The following NELFE variants were observed in gnomAD, a reference collection of about 807,000 sequenced individuals.
NELFE encodes the protein negative elongation factor complex member E.
Under a neutral mutation model 55.5 loss-of-function variants are expected in NELFE, and 26 were observed. The ratio of observed to expected loss-of-function variants is 0.47; its 90% CI spans 0.34 to 0.65. The LOEUF is 0.65. NELFE is among the 30% of genes least tolerant of loss of function. The pLI is 0.01. For missense variants in NELFE, 403 were observed against 506.9 expected, an observed-to-expected ratio of 0.80 and a Z score of 1.97; for synonymous variants, 162 against 178.0, an observed-to-expected ratio of 0.91 and a Z score of 0.72.
chr6:31,954,806 C>G lies in NELFE; in HGVS notation c.491G>C (p.Arg164Pro). 6.2e-7 allele frequency: 1 copy of G among 1,604,558 alleles called. No individual in the cohort carries two copies. The part of the protein sequence containing the change: ...EGPGAGDGPP[R>P]SFDWGYEERS... ...TTCTTCATAGCCCCAGTCAAAGCTT[C>G]GAGGGGGACCATCACCAGCCCCTGG... Residue 164 changes from arginine (R) to proline (P), a missense_variant, in exon 7 of 11, where the codon CGA becomes CCA. Arg to Pro is a moderately radical substitution (Grantham distance 103). Around this residue, in one of 3 missense-constraint regions of NELFE, gnomAD observed 229 missense variants for 228.3 expected, o/e 1.00. Transcript: ENST00000375429. The surrounding 1 kb of genome is among the most constrained non-coding windows in gnomAD (Gnocchi z 5.5).
intron 2 of NELFE, among the ~76,000 whole-genome samples, chr6:31,957,777 A>G (rs991554987): frequency 5.3e-5 from 8 of 152,226 alleles, no homozygotes; most frequent in Non-Finnish European, 1.0e-4. Context: ...TGTGTTTTCA[A>G]TGGATCATTT....
chr6:31,958,263 C>G, intron 2 of NELFE, 109 bp downstream of exon 2: 1 of 968,568 alleles, frequency 1.0e-6, no homozygotes, highest in Non-Finnish European at 1.7e-6. Context: ...GGTGATATGT[C>G]TCTAGGTATG....
chr6:31,952,711 G>A (rs1205501457), intron 10 of NELFE, among the ~76,000 whole-genome samples: 1 of 152,242 alleles, frequency 6.6e-6, no homozygotes, highest in African/African-American at 2.4e-5. Context: ...GAAAACCTCT[G>A]TAGCCCTTTT....
Position 31,953,776 on chromosome 6 carries a change from T to C in NELFE, c.998A>G (p.Gln333Arg). 1 of 1,613,098 alleles carries C rather than the reference T, an allele frequency of 6.2e-7. No homozygotes were observed. Among genetic ancestry groups the C allele is most frequent in the Non-Finnish European group, 8.5e-7 (1 of 1,180,032 alleles). Residue 333 changes from glutamine (Q) to arginine (R), a missense_variant, in exon 10 of 11, where the codon CAG becomes CGG. By Grantham distance (43) the Gln-to-Arg change is conservative. This residue lies in a region of NELFE where 77 missense variants were observed against 123.3 expected (regional missense o/e 0.62). Coordinates refer to ENST00000375429, the MANE Select transcript of NELFE (RefSeq NM_002904.6). Reference sequence around the variant, plus strand: ...GCCAGTAGCGGCATCCAGCATGGGCTGTTTTCGGGCTATGTTGACTTTGAG... The same window carrying C: ...GCCAGTAGCGGCATCCAGCATGGGCCGTTTTCGGGCTATGTTGACTTTGAG... Reference protein sequence around the residue: ...VQLKVNIARKQPMLDAATGKS... With the variant: ...VQLKVNIARKRPMLDAATGKS...
In NELFE at chr6:31,952,087, T is replaced by C. The variant is rs1640716309; in HGVS notation, c.*214A>G. 6.2e-7 allele frequency: 1 copy of C among 1,604,626 alleles called. No homozygotes were observed. ...GAATTAAAACAGCTGCGACAACACCTGTGTTCCAGATCCTTTTGGGGCAAG... is the reference window on the plus strand; with the variant it reads ...GAATTAAAACAGCTGCGACAACACCCGTGTTCCAGATCCTTTTGGGGCAAG... On this transcript the variant is annotated 3_prime_UTR_variant, in exon 11 of 11. Transcript: ENST00000375429.
intron 2 of NELFE, among the ~76,000 whole-genome samples, chr6:31,957,626 G>A (rs944113700): frequency 1.1e-4 from 16 of 152,250 alleles, no homozygotes; most frequent in African/African-American, 3.6e-4. Context: ...GCAGAGATAA[G>A]AAGGCTTTGG....
chr6:31,954,988 A>G lies in NELFE; in HGVS notation c.404+71T>C. Reference sequence around the variant, plus strand: ...ATTCCCTCTATAGCCCAGCTCCTACAGCCCAAACCTCCCAAGGACTCAGGC... The same window carrying G: ...ATTCCCTCTATAGCCCAGCTCCTACGGCCCAAACCTCCCAAGGACTCAGGC... On this transcript the variant is annotated intron_variant, in intron 6 of 10. Coordinates refer to ENST00000375429, the MANE Select transcript of NELFE (RefSeq NM_002904.6). This position sits in a 1 kb window ranked among gnomAD's most constrained non-coding sequence, Gnocchi z 5.5. 1.2e-6 allele frequency: 2 copies of G among 1,613,400 alleles called. No homozygotes were observed. The highest frequency in any genetic ancestry group is 1.1e-5 in the South Asian group (1 of 91,052).
At chr6:31,956,157 C>T (rs563665460) in intron 4 of NELFE, among the ~76,000 whole-genome samples, 125 of 152,138 alleles carry the variant, frequency 8.2e-4, no homozygotes, top group Non-Finnish European at 1.3e-3. Context: ...TCTCGATCTC[C>T]TGACCTCGTG....
rs1772008311 is a variant in NELFE, at chr6:31,955,259, G to A, written c.326C>T (p.Pro109Leu). ...PEKGPVPTFQ[P>L]FQRSISADDD... ...ATCAGCAGATATGCTCCTCTGGAAC[G>A]GCTGGAAAGTGGGGACTGGTCCCTT... The change falls in exon 5 of 11, where the codon CCG becomes CTG. Residue 109 changes from proline (P) to leucine (L), a missense_variant. Physicochemically the swap from Pro to Leu is moderately conservative, Grantham distance 98 (BLOSUM62 -3). This residue lies in a region of NELFE where 97 missense variants were observed against 155.3 expected (regional missense o/e 0.62). Transcript: ENST00000375429. 8 of 1,599,310 alleles carry A rather than the reference G, an allele frequency of 5.0e-6. No individual in the cohort carries two copies. The highest frequency in any genetic ancestry group is 1.7e-4 in the Middle Eastern group (1 of 6,004).
rs778840339 is a variant in NELFE at position 31,954,866 on chromosome 6, C to T, written c.431G>A (p.Arg144Gln). 13 of 1,565,252 alleles carry T rather than the reference C, an allele frequency of 8.3e-6. No homozygotes were observed. Among genetic ancestry groups the T allele is most frequent in the Admixed American group, 7.3e-5 (4 of 55,018 alleles). ...CTCTTCTCCATCTGGTCCTAGTTCT[C>T]GAAGTCGATCACTAGAAGACACAAA... is the stretch of plus-strand genomic sequence containing the variant. ...ESFVSSSDRLRELGPDGEEAE... is the reference protein window; with the variant it reads ...ESFVSSSDRLQELGPDGEEAE... Residue 144 changes from arginine (R) to glutamine (Q), a missense_variant, in exon 7 of 11, where the codon CGA becomes CAA. Around this residue, in one of 3 missense-constraint regions of NELFE, gnomAD observed 229 missense variants for 228.3 expected, o/e 1.00. Transcript: ENST00000375429. This position sits in a 1 kb window ranked among gnomAD's most constrained non-coding sequence, Gnocchi z 5.5.
chr6:31,953,616 C>A, intron 10 of NELFE, 113 bp downstream of exon 10: 3 of 879,494 alleles, frequency 3.4e-6, no homozygotes, highest in South Asian at 1.4e-5. Flanking sequence ...ATTCCCATAG[C>A]CTCCGCACAC....
rs1200481499 is a variant in NELFE, at chr6:31,952,141, G to A, written c.*160C>T. The A allele has an allele frequency of 2.7e-6, 4 of 1,497,738 alleles. No individual in the cohort carries two copies. Among genetic ancestry groups the A allele is most frequent in the African/African-American group, 2.8e-5 (2 of 72,294 alleles). The allele number at this position is 1,497,738 out of a possible 1,614,324, so 92.8% of individuals were successfully genotyped here. On this transcript the variant is annotated 3_prime_UTR_variant, in exon 11 of 11. Coordinates refer to ENST00000375429, the MANE Select transcript of NELFE (RefSeq NM_002904.6). ...GTGGGGAACAGGCACTGGCCATGTT[G>A]TTACACTGAGATCAAACCTGACAGC...
intron 1 of NELFE, 27 bp downstream of exon 1, chr6:31,958,865 C>T (rs1772266076): frequency 1.6e-6 from 1 of 612,812 alleles, no homozygotes; most frequent in African/African-American, 1.8e-5. Context: ...GAAAAAGGGC[C>T]GAAGAGTGAG....
chr6:31,957,405 G>A (rs906262058), intron 2 of NELFE: 12 of 488,934 alleles, frequency 2.5e-5, no homozygotes, highest in Middle Eastern at 3.0e-4. Flanking sequence ...GGAGGCTAAT[G>A]CATTGTTCCT....
In NELFE at chr6:31,954,888, CA is replaced by C; in HGVS notation, c.408del (p.Phe136LeufsTer11). ...TCTCGAAGTCGATCACTAGAAGACACAAAGCTGGGGAGATGCAGACTGAAGA... is the reference window on the plus strand; with the variant it reads ...TCTCGAAGTCGATCACTAGAAGACACAAGCTGGGGAGATGCAGACTGAAGA... ...RPQRKSLYES[F>X]VSSSDRLREL... is the part of the protein sequence containing the mutation. On this transcript the variant is annotated frameshift_variant, in exon 7 of 11. Transcript: ENST00000375429. LOFTEE classifies it high-confidence loss of function. The surrounding 1 kb of genome is among the most constrained non-coding windows in gnomAD (Gnocchi z 5.5). 6.4e-7 allele frequency: 1 copy of C among 1,568,106 alleles called. No homozygotes were observed.
At position 31,954,046 on chromosome 6, in the gene NELFE, A is replaced by G; in HGVS notation, c.942+34T>C. On this transcript the variant is annotated intron_variant, in intron 9 of 10. Coordinates refer to ENST00000375429, the MANE Select transcript of NELFE (RefSeq NM_002904.6). This position sits in a 1 kb window ranked among gnomAD's most constrained non-coding sequence, Gnocchi z 5.5. Reference sequence around the variant, plus strand: ...GAGGAGAACACATGAGAACAGCAGAAGCGATGGGAAGAACAGATTTGGGAA... The same window carrying G: ...GAGGAGAACACATGAGAACAGCAGAGGCGATGGGAAGAACAGATTTGGGAA... The G allele has an allele frequency of 6.2e-7, 1 of 1,608,852 alleles. No individual in the cohort carries two copies. Among genetic ancestry groups the G allele is most frequent in the Non-Finnish European group, 8.5e-7 (1 of 1,176,374 alleles).
intron 4 of NELFE, 24 bp downstream of exon 4, chr6:31,956,669 A>G (rs1217493374): frequency 1.3e-5 from 21 of 1,581,146 alleles, no homozygotes; most frequent in East Asian, 6.8e-5. Flanking sequence ...ATGCCCTTTA[A>G]ACAATCTTTC....
chr6:31,956,873 C>T (rs201539935), intron 3 of NELFE, 35 bp from the exon 4 acceptor site: 58 of 1,612,882 alleles, frequency 3.6e-5, no homozygotes, highest in South Asian at 7.7e-5. Flanking sequence ...TTATGTTGGC[C>T]AAGCCATGAT....
chr6:31,954,137 G>A lies in NELFE; in HGVS notation c.888-3C>T, dbSNP rs748830882. On this transcript the variant is annotated splice_polypyrimidine_tract_variant and splice_region_variant and intron_variant, in intron 8 of 10. Transcript: ENST00000375429. The surrounding 1 kb of genome is among the most constrained non-coding windows in gnomAD (Gnocchi z 5.5). ...TTTCATAGGTGACGAAGGCACAGCT[G>A]GGATAAGAGAAAACACGGTCAGTGG... 1.3e-5 allele frequency: 21 copies of A among 1,613,920 alleles called. No individual in the cohort carries two copies. The highest frequency in any genetic ancestry group is 6.7e-5 in the Admixed American group (4 of 59,992).
Sources: allele counts gnomAD v4.1 joint callset (sites outside exome capture counted in the v4.1 genomes callset), GRCh38; gene constraint gnomAD v4.1.1; regional missense constraint gnomAD v4.1.1; non-coding constraint Gnocchi (gnomAD v3.1); transcripts MANE v1.5; gene names NCBI Gene and HGNC (gene_info 2026-07-23, HGNC 2026-07-21).